The following ZNF547 variants were observed in gnomAD, a reference collection of about 807,000 sequenced individuals.
The protein encoded by ZNF547 is zinc finger protein 547.
In ZNF547, 4 loss-of-function variants were observed where a neutral mutation model predicts 7.7. The observed-to-expected ratio is 0.52, with a 90% CI of 0.26 to 1.20. The LOEUF is 1.20. Among genes scored for constraint, ZNF547 ranks in the 50% most tolerant of loss-of-function variants. ZNF547 has a pLI of 0.14. For missense variants in ZNF547, 449 were observed against 485.8 expected (o/e 0.92, Z 0.71); for synonymous variants, 166 against 166.2 (o/e 1.00, Z 0.01).
In ZNF547 at chr19:57,377,462, G is replaced by A; in HGVS notation, c.486G>A (p.Gly162=). ...AGACCTTCTTGTGCAGTGAATGTGG[G>A]AAAGCCTTTAGCCACAAACATAAAC... is the stretch of plus-strand genomic sequence containing the variant. ...AGKTFLCSEC[G]KAFSHKHKLS... is the part of the protein sequence containing the mutation. Residue 162 remains glycine, a synonymous_variant, in exon 4 of 4, where the codon GGG becomes GGA. Coordinates refer to ENST00000282282, the MANE Select transcript of ZNF547 (RefSeq NM_173631.4). 4 of 1,614,234 alleles carry A rather than the reference G, an allele frequency of 2.5e-6. No individual in the cohort carries two copies. Among genetic ancestry groups the A allele is most frequent in the Non-Finnish European group, 3.4e-6 (4 of 1,180,034 alleles).
At chr19:57,371,485 A>T (rs1001210762) in intron 2 of ZNF547, 2 of 312,902 alleles carry the variant, frequency 6.4e-6, no homozygotes, top group African/African-American at 4.3e-5. Flanking sequence ...CTGTCAGGAT[A>T]GTTTGGCTAG....
chr19:57,369,896 G>GTTT (rs1300181023), intron 2 of ZNF547, among the ~76,000 whole-genome samples: 1 of 33,860 alleles, frequency 3.0e-5, no homozygotes, highest in Non-Finnish European at 6.8e-5. Context: ...TTGACTCACA[G>GTTT]TTCTTTTTTT....
intron 1 of ZNF547, chr19:57,364,813 A>G (rs768593746): frequency 1.3e-6 from 2 of 1,582,408 alleles, no homozygotes; most frequent in Non-Finnish European, 1.7e-6. Context: ...CTCCCGCTGC[A>G]GGAGCCATAT....
rs1263345846 is a variant in ZNF547, at chr19:57,379,550, C to A, written c.*1365C>A. The A allele has an allele frequency of 1.3e-5, 2 of 152,216 alleles. No individual in the cohort carries two copies. The highest frequency in any genetic ancestry group is 2.9e-5 in the Non-Finnish European group (2 of 68,030). 9.4% of individuals were successfully genotyped at this position (152,216 alleles called of 1,614,324 possible). On this transcript the variant is annotated 3_prime_UTR_variant, in exon 4 of 4. Transcript: ENST00000282282. ...GTCATCTTTGATACAAAACAGAAAT[C>A]TTTGCAAAATACCAATTGCATTCTG... is the stretch of plus-strand genomic sequence containing the variant.
In ZNF547 at chr19:57,378,607, T is replaced by C. The variant is rs1351107364; in HGVS notation, c.*422T>C. On this transcript the variant is annotated 3_prime_UTR_variant, in exon 4 of 4. Transcript: ENST00000282282. ...GTTCACACTGGAAAAAGGCCACGTA[T>C]GTGCCTTGAATGTAGCCAAAATGAC... The C allele has an allele frequency of 1.4e-5, 5 of 366,242 alleles. No individual in the cohort carries two copies. The highest frequency in any genetic ancestry group is 7.7e-5 in the Admixed American group (2 of 25,900). 22.7% of individuals were successfully genotyped at this position (366,242 alleles called of 1,614,324 possible). A position where few individuals can be genotyped will look rare whatever the true frequency, so the allele number is the denominator to read the frequency against.
chr19:57,364,877 A>T, intron 1 of ZNF547: 1 of 1,611,768 alleles, frequency 6.2e-7, no homozygotes, highest in Non-Finnish European at 8.5e-7. Flanking sequence ...CACCATGATA[A>T]TCCAGTTTTT....
In ZNF547 at chr19:57,377,317, T is replaced by C. The variant is rs575635555; in HGVS notation, c.341T>C (p.Leu114Pro). ...EHDGTHPEQG[L>P]YTCPAHLHQH... ...GACGGAACACACCCCGAGCAGGGACTGTACACGTGTCCAGCACATCTTCAC... is the reference window on the plus strand; with the variant it reads ...GACGGAACACACCCCGAGCAGGGACCGTACACGTGTCCAGCACATCTTCAC... The change falls in exon 4 of 4, where the codon CTG (leucine) becomes CCG (proline). Residue 114 changes from leucine to proline, a missense_variant. Transcript: ENST00000282282. 3.7e-6 allele frequency: 6 copies of C among 1,614,208 alleles called. No homozygotes were observed. The South Asian group carries it at 5.5e-5, about 15-fold the overall frequency.
At position 57,377,784 on chromosome 19, in the gene ZNF547, T is replaced by G. The variant is rs759859929; in HGVS notation, c.808T>G (p.Cys270Gly). The change falls in exon 4 of 4, where the codon TGC (cysteine) becomes GGC (glycine). Residue 270 changes from cysteine to glycine, a missense_variant. By Grantham distance (159) the Cys-to-Gly change is radical. Coordinates refer to ENST00000282282, the MANE Select transcript of ZNF547 (RefSeq NM_173631.4). ...TCACACTGGAAAGAGGCCTTATGGTTGCAGTGAATGTGGGAAGTTCTTTAA... is the reference window on the plus strand; with the variant it reads ...TCACACTGGAAAGAGGCCTTATGGTGGCAGTGAATGTGGGAAGTTCTTTAA... Reference protein sequence around the residue: ...RVHTGKRPYGCSECGKFFKCN... With the variant: ...RVHTGKRPYGGSECGKFFKCN... 6.2e-7 allele frequency: 1 copy of G among 1,614,218 alleles called. No homozygotes were observed. The highest frequency in any genetic ancestry group is 8.5e-7 in the Non-Finnish European group (1 of 1,180,036).
intron 3 of ZNF547, among the ~76,000 whole-genome samples, chr19:57,376,909 G>A (rs932226502): frequency 6.6e-6 from 1 of 152,138 alleles, no homozygotes. Context: ...GGCTCTATCA[G>A]CTTTTAATCA....
At position 57,378,325 on chromosome 19, in the gene ZNF547, G is replaced by A; in HGVS notation, c.*140G>A. ...GTAGGTACAGCTCTCCAGTCGCTAT[G>A]TATCAGAGAATTCACACTGCAGAAA... On this transcript the variant is annotated 3_prime_UTR_variant, in exon 4 of 4. Coordinates refer to ENST00000282282, the MANE Select transcript of ZNF547 (RefSeq NM_173631.4). 1 of 806,548 alleles carries A rather than the reference G, an allele frequency of 1.2e-6. No homozygotes were observed. Among genetic ancestry groups the A allele is most frequent in the Non-Finnish European group, 2.0e-6 (1 of 490,798 alleles). The allele number at this position is 806,548 out of a possible 1,614,324, so 50.0% of individuals were successfully genotyped here.
chr19:57,371,341 C>A (rs2088503116), intron 2 of ZNF547, among the ~76,000 whole-genome samples: 1 of 152,198 alleles, frequency 6.6e-6, no homozygotes. Flanking sequence ...TTACGTTTCC[C>A]TAAGGAGGTT....
At chr19:57,368,658 T>C in intron 2 of ZNF547, 79 bp downstream of exon 2, 1 of 1,392,416 alleles carries the variant, frequency 7.2e-7, no homozygotes. Flanking sequence ...AGAAAAGTGG[T>C]GTCCAGAGAC....
intron 1 of ZNF547, chr19:57,364,800 GGCCTCCCGCT>G: frequency 4.5e-6 from 7 of 1,544,896 alleles, no homozygotes; most frequent in Non-Finnish European, 1.8e-6. Flanking sequence ...TTCCGTTGTC[GGCCTCCCGCT>G]GCAGGAGCCA....
At chr19:57,370,224 C>T (rs961396595) in intron 2 of ZNF547, among the ~76,000 whole-genome samples, 3 of 152,102 alleles carry the variant, frequency 2.0e-5, no homozygotes, top group African/African-American at 4.8e-5. Context: ...AAGCATAACT[C>T]GGAGGCCTCA....
chr19:57,364,623 C>T, intron 1 of ZNF547: 1 of 598,972 alleles, frequency 1.7e-6, no homozygotes, highest in East Asian at 2.8e-5. Flanking sequence ...CGCCTGTAAT[C>T]CCAGCTATTC....
Position 57,368,274 on chromosome 19 carries a change from A to G in ZNF547, c.-12-270A>G, listed in dbSNP as rs1025455924. On this transcript the variant is annotated intron_variant, in intron 1 of 3. Coordinates refer to ENST00000282282, the MANE Select transcript of ZNF547 (RefSeq NM_173631.4). Reference sequence around the variant, plus strand: ...TAATAGCTGATATATATGATGAGCAACGAGTGTTTGACACCGGTAAGAGTC... The same window carrying G: ...TAATAGCTGATATATATGATGAGCAGCGAGTGTTTGACACCGGTAAGAGTC... 1.2e-5 allele frequency: 5 copies of G among 415,820 alleles called. No homozygotes were observed. In the South Asian group the frequency reaches 2.1e-4, roughly 17 times the overall value. The allele number at this position is 415,820 out of a possible 1,614,324, so 25.8% of individuals were successfully genotyped here.
chr19:57,364,440 TTC>T, intron 1 of ZNF547: 1 of 282,536 alleles, frequency 3.5e-6, no homozygotes, highest in Non-Finnish European at 6.9e-6. Flanking sequence ...CTGGTGTAGA[TTC>T]TTCAAAAGAA....
At chr19:57,365,265 A>G (rs1288596851) in intron 1 of ZNF547, 1 of 1,527,640 alleles carries the variant, frequency 6.5e-7, no homozygotes, top group Non-Finnish European at 8.9e-7. Context: ...GAATGGAGAA[A>G]ATTCCAAAAT....
chr19:57,371,169 C>T (rs1184772546), intron 2 of ZNF547: 1 of 152,346 alleles, frequency 6.6e-6, no homozygotes, highest in African/African-American at 2.4e-5. Flanking sequence ...CCAGGCTGGT[C>T]TTGAACTCCT....
Sources: allele counts gnomAD v4.1 joint callset (sites outside exome capture counted in the v4.1 genomes callset), GRCh38; gene constraint gnomAD v4.1.1; transcripts MANE v1.5; gene names NCBI Gene and HGNC (gene_info 2026-07-23, HGNC 2026-07-21).